The following HDAC4 variants were observed in gnomAD, a reference collection of about 807,000 sequenced individuals.
The protein encoded by HDAC4 is histone deacetylase 4.
HDAC4 carries 16 observed loss-of-function variants against 135.1 expected under a neutral mutation model. The observed-to-expected ratio is 0.12, with a 90% confidence interval of 0.08 to 0.18. The LOEUF is 0.18. HDAC4 is among the 10% of genes least tolerant of loss of function. The pLI is 1.00. For synonymous variants in HDAC4, 685 were observed against 653.4 expected (o/e 1.05, Z -0.74); for missense variants, 1,143 against 1,511.8 (o/e 0.76, Z 4.05).
chr2:239,271,353 T>G (rs1266849536), intron 2 of HDAC4, among the ~76,000 whole-genome samples: 1 of 152,244 alleles, frequency 6.6e-6, no homozygotes. Flanking sequence ...CTTGAACTTC[T>G]GAGCTCAAGC....
At chr2:239,212,699 C>A (rs1192811378) in intron 3 of HDAC4, among the ~76,000 whole-genome samples, 1 of 152,132 alleles carries the variant, frequency 6.6e-6, no homozygotes, top group Non-Finnish European at 1.5e-5. Flanking sequence ...GCTGACATGC[C>A]AAGGGGTGAG....
chr2:239,209,082 T>A lies in HDAC4; in HGVS notation c.95-19005A>T, dbSNP rs537710957. Among the ~76,000 whole-genome samples the A allele has an allele frequency of 8.5e-5, 13 of 152,338 alleles. No homozygotes were observed. The South Asian group carries it at 2.7e-3, about 32-fold the overall frequency. On this transcript the variant is annotated intron_variant, in intron 3 of 26. Coordinates refer to ENST00000543185, the MANE Select transcript of HDAC4 (RefSeq NM_001378414.1). ...ATTTTTTAAAGAGGGGGTTTCGCCA[T>A]GTTGCTCAGGCTGGTCTTGAACTCC... is the stretch of plus-strand genomic sequence containing the variant.
At chr2:239,231,012 C>A (rs1159880279) in intron 3 of HDAC4, among the ~76,000 whole-genome samples, 2 of 152,208 alleles carry the variant, frequency 1.3e-5, no homozygotes, top group African/African-American at 4.8e-5. Context: ...TGGTCAAACA[C>A]CCCTTAGATG....
At chr2:239,219,469 TG>T (rs1331579732) in intron 3 of HDAC4, among the ~76,000 whole-genome samples, 3 of 66,734 alleles carry the variant, frequency 4.5e-5, no homozygotes, top group African/African-American at 1.8e-4. Flanking sequence ...GGGACTGTTG[TG>T]GGGTGGGGGG....
chr2:239,083,834 C>G (rs112264148), intron 20 of HDAC4, among the ~76,000 whole-genome samples: 6 of 152,198 alleles, frequency 3.9e-5, no homozygotes, highest in African/African-American at 1.4e-4. Context: ...AGGCCACACA[C>G]GCAAAGTAGA....
chr2:239,198,428 G>T (rs945153403), intron 3 of HDAC4, among the ~76,000 whole-genome samples: 6 of 152,158 alleles, frequency 3.9e-5, no homozygotes, highest in African/African-American at 1.4e-4. Context: ...GGGACTAGAG[G>T]GTGAGAGCTG....
intron 3 of HDAC4, among the ~76,000 whole-genome samples, chr2:239,200,405 A>G (rs1481470116): frequency 6.6e-6 from 1 of 152,214 alleles, no homozygotes; most frequent in Non-Finnish European, 1.5e-5. Flanking sequence ...GAGACGAGGT[A>G]GAGAAAGTAG....
rs904394351 is a variant in HDAC4, at chr2:239,189,943, C to T, written c.229G>A (p.Ala77Thr). The change falls in exon 4 of 27, where the codon GCG becomes ACG. Residue 77 changes from alanine (A) to threonine (T), a missense_variant. Coordinates refer to ENST00000543185, the MANE Select transcript of HDAC4 (RefSeq NM_001378414.1). ...TGGATCTGCTGCTTCTGCTTGAGCG[C>T]CAGGAGCTCCTGCTGCAGCTGCTGC... is the stretch of plus-strand genomic sequence containing the variant. ...REQQLQQELL[A>T]LKQKQQIQRQ... 3.1e-6 allele frequency: 5 copies of T among 1,610,028 alleles called. No individual in the cohort carries two copies. Among genetic ancestry groups the T allele is most frequent in the Non-Finnish European group, 4.2e-6 (5 of 1,179,918 alleles).
chr2:239,222,089 C>T (rs920474794), intron 3 of HDAC4, among the ~76,000 whole-genome samples: 1 of 152,164 alleles, frequency 6.6e-6, no homozygotes, highest in South Asian at 2.1e-4. Flanking sequence ...CAAGGGATGA[C>T]ACCCTGTGCC....
chr2:239,183,422 G>A lies in HDAC4; in HGVS notation c.339+6411C>T, dbSNP rs796962105. 2.0e-5 allele frequency among the ~76,000 whole-genome samples: 3 copies of A among 152,248 alleles called. No homozygotes were observed. In the South Asian group the frequency reaches 6.2e-4, roughly 31 times the overall value. On this transcript the variant is annotated intron_variant, in intron 4 of 26. Transcript: ENST00000543185. ...AAGCGGCAGGGGCCAGGAGGAAAGG[G>A]CGGCAGAATGGACGCCACGGACGGT...
In HDAC4 at chr2:239,313,420, A is replaced by G. The variant is rs2052979575; in HGVS notation, c.22+39258T>C. Among the ~76,000 whole-genome samples, 1 of 152,014 alleles carries G rather than the reference A, an allele frequency of 6.6e-6. No homozygotes were observed. Among genetic ancestry groups the G allele is most frequent in the Non-Finnish European group, 1.5e-5 (1 of 67,996 alleles). On this transcript the variant is annotated intron_variant, in intron 2 of 26. Transcript: ENST00000543185. This position sits in a 1 kb window ranked among gnomAD's most constrained non-coding sequence, Gnocchi z 5.1. ...AGTGTGAGGATCTGGATTAGAACCA[A>G]GTATCCCCAGGCTGCCCAGGAGCCC...
intron 5 of HDAC4, among the ~76,000 whole-genome samples, chr2:239,169,568 C>T (rs1311002117): frequency 6.6e-6 from 1 of 152,256 alleles, no homozygotes; most frequent in Non-Finnish European, 1.5e-5. Flanking sequence ...CTCAGCTGCG[C>T]TCCTGGTCCT....
At chr2:239,184,289 G>A (rs1300576750) in intron 4 of HDAC4, among the ~76,000 whole-genome samples, 4 of 151,150 alleles carry the variant, frequency 2.6e-5, no homozygotes, top group Non-Finnish European at 4.4e-5. Flanking sequence ...CCCTATGGGG[G>A]GGTCCCTAAG....
At position 239,093,900 on chromosome 2, in the gene HDAC4, T is replaced by C. The variant is rs186684906; in HGVS notation, c.2280+1110A>G. 3.8e-5 allele frequency: 37 copies of C among 974,264 alleles called. No homozygotes were observed. In the East Asian group the frequency reaches 3.7e-3, roughly 96 times the overall value. 60.4% of individuals were successfully genotyped at this position (974,264 alleles called of 1,614,324 possible). A position where few individuals can be genotyped will look rare whatever the true frequency, so the allele number is the denominator to read the frequency against. The stretch of plus-strand genomic sequence containing the variant: ...TTAAGAGATTGCAGCCTATTTACAA[T>C]ACAAAATAAAATAACTCTAGGAGGG... On this transcript the variant is annotated intron_variant, in intron 17 of 26. Coordinates refer to ENST00000543185, the MANE Select transcript of HDAC4 (RefSeq NM_001378414.1).
intron 5 of HDAC4, among the ~76,000 whole-genome samples, chr2:239,165,697 A>G (rs1330330869): frequency 6.6e-6 from 1 of 152,170 alleles, no homozygotes; most frequent in Non-Finnish European, 1.5e-5. Flanking sequence ...ACCAAGTCTC[A>G]TGGACGCCCT....
At chr2:239,079,357 T>TGAACTCCCACCGGCACAGCCCGGGC (rs2035073897) in intron 22 of HDAC4, among the ~76,000 whole-genome samples, 2 of 152,116 alleles carry the variant, frequency 1.3e-5, no homozygotes, top group African/African-American at 4.8e-5. Flanking sequence ...GAGGAGCAGA[T>TGAACTCCCACCGGCACAGCCCGGGC]GAACTCCCAC....
intron 2 of HDAC4, among the ~76,000 whole-genome samples, chr2:239,342,844 C>T (rs1198796021): frequency 1.7e-5 from 2 of 116,550 alleles, no homozygotes; most frequent in African/African-American, 6.0e-5. Flanking sequence ...GCAGGCCCAG[C>T]GTCGTCTTGG....
intron 2 of HDAC4, among the ~76,000 whole-genome samples, chr2:239,286,026 A>C (rs1226934284): frequency 6.6e-6 from 1 of 152,188 alleles, no homozygotes; most frequent in African/African-American, 2.4e-5. Context: ...AACACATCAA[A>C]AGACAGTCAA....
At chr2:239,378,376 G>A (rs1010866733) in intron 1 of HDAC4, among the ~76,000 whole-genome samples, 13 of 152,196 alleles carry the variant, frequency 8.5e-5, no homozygotes, top group Non-Finnish European at 1.5e-4. Flanking sequence ...GAGGGAAGGC[G>A]TTGGCCCCGG....
Sources: gnomAD v4.1 joint callset for allele counts (sites outside exome capture counted in the v4.1 genomes callset) on GRCh38, gnomAD v4.1.1 for gene constraint, Gnocchi (gnomAD v3.1) non-coding constraint, MANE v1.5 for transcripts, NCBI Gene and HGNC (gene_info 2026-07-23, HGNC 2026-07-21) for gene names.